CADPS: variants seen among roughly 807,000 people sequenced by gnomAD.
CADPS encodes calcium-dependent secretion activator 1.
CADPS carries 57 observed loss-of-function variants against 167.3 expected under a neutral mutation model. The ratio of observed to expected loss-of-function variants is 0.34; its 90% CI spans 0.28 to 0.42. The LOEUF (loss-of-function observed/expected upper bound fraction) is 0.42. Among genes scored for constraint, CADPS ranks in the 20% least tolerant of loss-of-function variants. The pLI is 1.00. For missense variants in CADPS, 1,414 were observed against 1,738.1 expected, an observed-to-expected ratio of 0.81 and a Z score of 3.32; for synonymous variants, 676 against 635.3, an observed-to-expected ratio of 1.06 and a Z score of -0.96.
At chr3:62,689,075 A>G (rs2078614940) in intron 3 of CADPS, among the ~76,000 whole-genome samples, 1 of 152,060 alleles carries the variant, frequency 6.6e-6, no homozygotes, top group South Asian at 2.1e-4. Flanking sequence ...AGCTTTCAAG[A>G]GTTTTAGTGA....
rs147297225 is a variant in CADPS at position 62,839,219 on chromosome 3, G to T, written c.441+35370C>A. 5.0e-4 allele frequency among the ~76,000 whole-genome samples: 76 copies of T among 152,176 alleles called. 2 individuals are homozygous for T. In the East Asian group the frequency reaches 0.015, roughly 29 times the overall value. Reference sequence around the variant, plus strand: ...ATTTTGTTGTTGTTTTTTTGAGACAGAGTCTTGCTCGGTCACCCAGGTTGG... The same window carrying T: ...ATTTTGTTGTTGTTTTTTTGAGACATAGTCTTGCTCGGTCACCCAGGTTGG... On this transcript the variant is annotated intron_variant, in intron 1 of 29. Transcript: ENST00000383710.
chr3:62,507,310 T>A (rs766450683), intron 17 of CADPS, among the ~76,000 whole-genome samples: 7 of 152,174 alleles, frequency 4.6e-5, no homozygotes, highest in Non-Finnish European at 1.0e-4. Context: ...TCAAAGACCC[T>A]GGCCTGGGTA....
chr3:62,833,544 C>CT (rs1483592252), intron 1 of CADPS, among the ~76,000 whole-genome samples: 1 of 151,976 alleles, frequency 6.6e-6, no homozygotes, highest in East Asian at 2.0e-4. Context: ...CTACTGGTAC[C>CT]TTTTAATACT....
At chr3:62,721,110 C>A (rs2075708800) in intron 3 of CADPS, among the ~76,000 whole-genome samples, 1 of 108,718 alleles carries the variant, frequency 9.2e-6, no homozygotes, top group Non-Finnish European at 2.0e-5. Flanking sequence ...AGCCACCGTG[C>A]CCGGCAGGTT....
intron 6 of CADPS, among the ~76,000 whole-genome samples, chr3:62,636,991 C>T (rs1260150697): frequency 6.6e-6 from 1 of 152,136 alleles, no homozygotes; most frequent in Non-Finnish European, 1.5e-5. Context: ...GATTTGGGGG[C>T]AGGCTTCCTA....
At chr3:62,694,147 C>G (rs918146674) in intron 3 of CADPS, among the ~76,000 whole-genome samples, 3 of 152,048 alleles carry the variant, frequency 2.0e-5, no homozygotes, top group Non-Finnish European at 2.9e-5. Context: ...CTAGCTAAGG[C>G]CACTGCTGAC....
intron 1 of CADPS, among the ~76,000 whole-genome samples, chr3:62,804,217 C>T (rs1347628110): frequency 1.3e-5 from 2 of 152,136 alleles, no homozygotes; most frequent in African/African-American, 4.8e-5. Flanking sequence ...ACAATAAATA[C>T]TTGACGGATG....
intron 13 of CADPS, chr3:62,530,685 A>G (rs1240403743): frequency 3.1e-6 from 4 of 1,288,278 alleles, no homozygotes; most frequent in Non-Finnish European, 4.0e-6. Flanking sequence ...TGGGTTTTGG[A>G]ATCTTTTCTT....
In CADPS at chr3:62,625,865, C is replaced by T. The variant is rs573034114; in HGVS notation, c.1325+19857G>A. 7.3e-5 allele frequency: 11 copies of T among 151,092 alleles called. No homozygotes were observed. In the East Asian group the frequency reaches 1.7e-3, roughly 24 times the overall value. 9.4% of individuals were successfully genotyped at this position (151,092 alleles called of 1,614,324 possible). A position where few individuals can be genotyped will look rare whatever the true frequency, so the allele number is the denominator to read the frequency against. The stretch of plus-strand genomic sequence containing the variant: ...AGTTTTCCCCAGAATGGAATCTTTA[C>T]TTTTTTATATTCACTACTAAATGTA... On this transcript the variant is annotated intron_variant, in intron 6 of 29. Transcript: ENST00000383710.
chr3:62,851,220 C>CT (rs1252314475), intron 1 of CADPS, among the ~76,000 whole-genome samples: 1 of 141,386 alleles, frequency 7.1e-6, no homozygotes, highest in Non-Finnish European at 1.5e-5. Flanking sequence ...GGTCTTGACT[C>CT]TTTATCCAAC....
chr3:62,426,976 G>A (rs1409601815), intron 28 of CADPS, among the ~76,000 whole-genome samples: 1 of 151,698 alleles, frequency 6.6e-6, no homozygotes, highest in Non-Finnish European at 1.5e-5. Flanking sequence ...TAGGGAGGCT[G>A]AGGCAGGAGA....
At chr3:62,740,266 A>G (rs1446690420) in intron 3 of CADPS, among the ~76,000 whole-genome samples, 1 of 152,206 alleles carries the variant, frequency 6.6e-6, no homozygotes, top group African/African-American at 2.4e-5. Flanking sequence ...CCAAAGTGCA[A>G]TGGCAGCAAA....
chr3:62,704,619 T>C (rs2082005480), intron 3 of CADPS, among the ~76,000 whole-genome samples: 1 of 152,180 alleles, frequency 6.6e-6, no homozygotes, highest in Non-Finnish European at 1.5e-5. Context: ...ATGGATTTGC[T>C]ACACTGAAGT....
chr3:62,631,692 G>T (rs543475522), intron 6 of CADPS, among the ~76,000 whole-genome samples: 7 of 152,282 alleles, frequency 4.6e-5, no homozygotes, highest in African/African-American at 1.7e-4. Context: ...AGATTGCTCA[G>T]TGAGACCAGG....
rs1338872219 is a variant in CADPS at position 62,721,132 on chromosome 3, TTTAAAAAAAA to T, written c.888+32299_888+32308del. On this transcript the variant is annotated intron_variant, in intron 3 of 29. Transcript: ENST00000383710. ...GTGCCCGGCAGGTTTTTTTTTTTTT[TTTAAAAAAAA>T]AAAGAAGAAAAAAGAAAAAGTAAAA... is the stretch of plus-strand genomic sequence containing the variant. Among the ~76,000 whole-genome samples, 66 of 113,868 alleles carry T rather than the reference TTTAAAAAAAA, an allele frequency of 5.8e-4. 3 individuals are homozygous for T. In the South Asian group the frequency reaches 0.02, roughly 34 times the overall value. 74.7% of individuals were successfully genotyped at this position (113,868 alleles called of 152,430 possible).
chr3:62,415,895 T>A (rs1331859081), intron 28 of CADPS, among the ~76,000 whole-genome samples: 1 of 152,012 alleles, frequency 6.6e-6, no homozygotes. Context: ...TCTTTCTTTT[T>A]TCTTTCCTTT....
intron 3 of CADPS, among the ~76,000 whole-genome samples, chr3:62,728,882 G>A (rs944694840): frequency 1.3e-4 from 19 of 151,846 alleles, no homozygotes; most frequent in African/African-American, 4.6e-4. Flanking sequence ...CACTAGGGTG[G>A]ATAACTGCTT....
At chr3:62,796,603 A>G (rs1264918472) in intron 1 of CADPS, among the ~76,000 whole-genome samples, 3 of 152,172 alleles carry the variant, frequency 2.0e-5, no homozygotes, top group African/African-American at 7.2e-5. Flanking sequence ...TAGCAGAGAG[A>G]GTCTAGGCAT....
intron 3 of CADPS, among the ~76,000 whole-genome samples, chr3:62,683,383 CT>C (rs1409926104): frequency 6.6e-6 from 1 of 152,002 alleles, no homozygotes; most frequent in African/African-American, 2.4e-5. Flanking sequence ...CATGCATAGG[CT>C]AGGCACTTTA....
Sources: allele counts gnomAD v4.1 joint callset (sites outside exome capture counted in the v4.1 genomes callset), GRCh38; gene constraint gnomAD v4.1.1; transcripts MANE v1.5; gene names NCBI Gene and HGNC (gene_info 2026-07-23, HGNC 2026-07-21).